Variants in BCAS3 observed in about 807,000 individuals in gnomAD.
BCAS3 encodes the protein BCAS3 microtubule associated cell migration factor, also known as BCAS4/BCAS3 fusion.
A neutral mutation model predicts 116.1 loss-of-function variants in BCAS3; 53 were observed. That is an observed-to-expected ratio of 0.46 (90% CI 0.37 to 0.57). The LOEUF is 0.57. BCAS3 is among the 20% of genes least tolerant of loss of function. The pLI is 0.00. For missense variants in BCAS3, 917 were observed against 1,165.4 expected (o/e 0.79, Z 3.10); for synonymous variants, 391 against 408.2 (o/e 0.96, Z 0.51).
rs1413247454 is a variant in BCAS3, at chr17:61,241,635, C to T, written c.2426-126692C>T. Among the ~76,000 whole-genome samples the T allele has an allele frequency of 2.0e-5, 3 of 152,008 alleles. No individual in the cohort carries two copies. The highest frequency in any genetic ancestry group is 6.6e-5 in the Admixed American group (1 of 15,254). On this transcript the variant is annotated intron_variant, in intron 22 of 23. Coordinates refer to ENST00000407086, the MANE Select transcript of BCAS3 (RefSeq NM_017679.5). The surrounding 1 kb of genome is among the most constrained non-coding windows in gnomAD (Gnocchi z 4.6). ...TCGGGAGGATGAGGCAGGAAAATGG[C>T]GTGAACCCAGGAGCCAGAGCTTGCA...
At position 61,004,091 on chromosome 17, in the gene BCAS3, A is replaced by G. The variant is rs1017254040; in HGVS notation, c.1487-11660A>G. On this transcript the variant is annotated intron_variant, in intron 15 of 23. Coordinates refer to ENST00000407086, the MANE Select transcript of BCAS3 (RefSeq NM_017679.5). This position sits in a 1 kb window ranked among gnomAD's most constrained non-coding sequence, Gnocchi z 4.8. ...TTAACATTATTTTTGTCTAGTGATT[A>G]GAATAACAAAAAGAGGATTTGGAGA... 6.6e-6 allele frequency among the ~76,000 whole-genome samples: 1 copy of G among 152,184 alleles called. No individual in the cohort carries two copies. The highest frequency in any genetic ancestry group is 1.5e-5 in the Non-Finnish European group (1 of 68,018).
chr17:61,315,791 C>T lies in BCAS3; in HGVS notation c.2426-52536C>T, dbSNP rs116546698. Among the ~76,000 whole-genome samples the T allele has an allele frequency of 3.3e-3, 504 of 152,242 alleles. 3 individuals carry two copies. The highest frequency in any genetic ancestry group is 0.011 in the African/African-American group (465 of 41,540). ...CCAGCACCTCTGCCCTCCCATCTGC[C>T]TCCACATGCCGCTGCGTCCCCTCCA... On this transcript the variant is annotated intron_variant, in intron 22 of 23. Transcript: ENST00000407086. The surrounding 1 kb of genome is among the most constrained non-coding windows in gnomAD (Gnocchi z 5.3).
At chr17:61,030,191 A>C (rs781696925) in intron 16 of BCAS3, among the ~76,000 whole-genome samples, 1 of 152,100 alleles carries the variant, frequency 6.6e-6, no homozygotes, top group African/African-American at 2.4e-5. Context: ...CTATTCTTTT[A>C]TGTTTTAAAA....
At chr17:61,289,949 C>T (rs950704132) in intron 22 of BCAS3, among the ~76,000 whole-genome samples, 3 of 152,120 alleles carry the variant, frequency 2.0e-5, no homozygotes, top group African/African-American at 7.2e-5. Context: ...TCCAGGTTTC[C>T]TTCAAAGTGT....
At chr17:60,863,864 A>T (rs535155296) in intron 7 of BCAS3, among the ~76,000 whole-genome samples, 6 of 152,284 alleles carry the variant, frequency 3.9e-5, no homozygotes, top group African/African-American at 1.4e-4. Context: ...GCTAAAAAAT[A>T]CTGATGTTCT....
intron 7 of BCAS3, among the ~76,000 whole-genome samples, chr17:60,834,251 T>G (rs1046950844): frequency 1.8e-4 from 27 of 152,162 alleles, no homozygotes; most frequent in African/African-American, 6.5e-4. Context: ...TTTATTGTCT[T>G]CTTAATAAAG....
rs1222102886 is a variant in BCAS3, at chr17:61,226,867, A to G, written c.2426-141460A>G. 1.3e-5 allele frequency among the ~76,000 whole-genome samples: 2 copies of G among 152,170 alleles called. No homozygotes were observed. The stretch of plus-strand genomic sequence containing the variant: ...TTCAGAGAGAACCACATTTGTTCTG[A>G]CTGCTGTCAGTTTGCCTGCCTATAT... On this transcript the variant is annotated intron_variant, in intron 22 of 23. Transcript: ENST00000407086. This position sits in a 1 kb window ranked among gnomAD's most constrained non-coding sequence, Gnocchi z 6.0.
Position 61,017,430 on chromosome 17 carries a change from T to G in BCAS3, c.1637+1529T>G, listed in dbSNP as rs1469541962. ...TACTTACAAATTTTAGCCTGTCTTT[T>G]CTGAATCTAAGTGAAACCATCCTCA... On this transcript the variant is annotated intron_variant, in intron 16 of 23. Transcript: ENST00000407086. This position sits in a 1 kb window ranked among gnomAD's most constrained non-coding sequence, Gnocchi z 4.7. Among the ~76,000 whole-genome samples, 1 of 152,214 alleles carries G rather than the reference T, an allele frequency of 6.6e-6. No homozygotes were observed.
At position 61,300,361 on chromosome 17, in the gene BCAS3, A is replaced by T. The variant is rs1178525599; in HGVS notation, c.2426-67966A>T. ...CTTTAACTCCTCGCCTGCCCCTTCA[A>T]CTTCAGTTTTCTAAAGAGAAAACTT... On this transcript the variant is annotated intron_variant, in intron 22 of 23. Transcript: ENST00000407086. The surrounding 1 kb of genome is among the most constrained non-coding windows in gnomAD (Gnocchi z 5.1). 6.6e-6 allele frequency among the ~76,000 whole-genome samples: 1 copy of T among 152,108 alleles called. No homozygotes were observed. Among genetic ancestry groups the T allele is most frequent in the African/African-American group, 2.4e-5 (1 of 41,400 alleles).
At position 60,990,342 on chromosome 17, in the gene BCAS3, G is replaced by A; in HGVS notation, c.1486+107G>A. On this transcript the variant is annotated intron_variant, in intron 15 of 23. Coordinates refer to ENST00000407086, the MANE Select transcript of BCAS3 (RefSeq NM_017679.5). The surrounding 1 kb of genome is among the most constrained non-coding windows in gnomAD (Gnocchi z 5.1). ...TTGTTATAGTCTGTTCATGTAAAAA[G>A]AAGATCTTAGGCTTATATGAAATTC... The A allele has an allele frequency of 1.1e-5, 13 of 1,198,500 alleles. No individual in the cohort carries two copies. The South Asian group carries it at 1.6e-4, about 14-fold the overall frequency. The allele number at this position is 1,198,500 out of a possible 1,614,324, so 74.2% of individuals were successfully genotyped here. A position where few individuals can be genotyped will look rare whatever the true frequency, so the allele number is the denominator to read the frequency against.
At chr17:60,733,186 A>G (rs535141849) in intron 5 of BCAS3, among the ~76,000 whole-genome samples, 2 of 152,256 alleles carry the variant, frequency 1.3e-5, no homozygotes, top group Non-Finnish European at 2.9e-5. Context: ...ACCTTATTTT[A>G]AAACGAAACT....
intron 6 of BCAS3, among the ~76,000 whole-genome samples, chr17:60,758,619 T>C (rs1450163804): frequency 6.6e-6 from 1 of 152,076 alleles, no homozygotes; most frequent in East Asian, 1.9e-4. Context: ...TGACCTCAGG[T>C]AATTCACCTG....
In BCAS3 at chr17:61,136,061, C is replaced by A; in HGVS notation, c.2425+51497C>A. ...CGCCTCCTCCTTCTTCCCTGCACCC[C>A]TTCGCGCCTGCCTTCCCCGCGACCG... On this transcript the variant is annotated intron_variant, in intron 22 of 23. Transcript: ENST00000407086. This position sits in a 1 kb window ranked among gnomAD's most constrained non-coding sequence, Gnocchi z 4.4. 1 of 155,706 alleles carries A rather than the reference C, an allele frequency of 6.4e-6. No individual in the cohort carries two copies. Among genetic ancestry groups the A allele is most frequent in the South Asian group, 1.8e-4 (1 of 5,654 alleles). The allele number at this position is 155,706 out of a possible 1,614,324, so 9.6% of individuals were successfully genotyped here.
At chr17:60,869,992 T>C (rs556559410) in intron 8 of BCAS3, among the ~76,000 whole-genome samples, 3 of 152,290 alleles carry the variant, frequency 2.0e-5, no homozygotes, top group African/African-American at 7.2e-5. Context: ...TTTGCTCCAT[T>C]TTAAAGAGGA....
rs970061239 is a variant in BCAS3 at position 61,220,050 on chromosome 17, C to T, written c.2425+135486C>T. On this transcript the variant is annotated intron_variant, in intron 22 of 23. Coordinates refer to ENST00000407086, the MANE Select transcript of BCAS3 (RefSeq NM_017679.5). The surrounding 1 kb of genome is among the most constrained non-coding windows in gnomAD (Gnocchi z 4.5). ...GTGGCTCACGCCTGTAATCCCAGCA[C>T]TTTGGGAGGTTGAGGTGGGCAGATC... Among the ~76,000 whole-genome samples the T allele has an allele frequency of 6.6e-6, 1 of 152,110 alleles. No homozygotes were observed. The highest frequency in any genetic ancestry group is 1.5e-5 in the Non-Finnish European group (1 of 68,024).
chr17:61,126,377 A>G lies in BCAS3; in HGVS notation c.2425+41813A>G, dbSNP rs531707939. Among the ~76,000 whole-genome samples, 2 of 152,274 alleles carry G rather than the reference A, an allele frequency of 1.3e-5. No individual in the cohort carries two copies. The highest frequency in any genetic ancestry group is 4.8e-5 in the African/African-American group (2 of 41,584). ...AGACATTAGAAAAAAAGAGCAGTGTATATGTGTCATGTTATCGCACGTGAA... is the reference window on the plus strand; with the variant it reads ...AGACATTAGAAAAAAAGAGCAGTGTGTATGTGTCATGTTATCGCACGTGAA... On this transcript the variant is annotated intron_variant, in intron 22 of 23. Coordinates refer to ENST00000407086, the MANE Select transcript of BCAS3 (RefSeq NM_017679.5). This position sits in a 1 kb window ranked among gnomAD's most constrained non-coding sequence, Gnocchi z 4.6.
chr17:61,142,518 C>A (rs2076979560), intron 22 of BCAS3, among the ~76,000 whole-genome samples: 1 of 152,128 alleles, frequency 6.6e-6, no homozygotes, highest in Non-Finnish European at 1.5e-5. Flanking sequence ...TTGTATAGTG[C>A]CCTGGGAGTA....
intron 12 of BCAS3, among the ~76,000 whole-genome samples, chr17:60,911,836 A>C (rs2058531986): frequency 6.6e-6 from 1 of 152,240 alleles, no homozygotes; most frequent in Non-Finnish European, 1.5e-5. Flanking sequence ...GTAGTATCAA[A>C]ATTTATAACA....
At chr17:61,086,678 G>C in intron 22 of BCAS3, 2 of 985,240 alleles carry the variant, frequency 2.0e-6, no homozygotes, top group Non-Finnish European at 2.4e-6. Context: ...TGGTGGCTAA[G>C]CTTTATTATT....
Sources: gnomAD v4.1 joint callset for allele counts (sites outside exome capture counted in the v4.1 genomes callset) on GRCh38, gnomAD v4.1.1 for gene constraint, Gnocchi (gnomAD v3.1) non-coding constraint, MANE v1.5 for transcripts, NCBI Gene and HGNC (gene_info 2026-07-23, HGNC 2026-07-21) for gene names.